ALDH16A1: variants seen among roughly 807,000 people sequenced by gnomAD.
The protein encoded by ALDH16A1 is aldehyde dehydrogenase family 16 member A1.
Under a neutral mutation model 96.1 loss-of-function variants are expected in ALDH16A1, and 88 were observed. The ratio of observed to expected loss-of-function variants is 0.92; its 90% CI spans 0.77 to 1.09. The LOEUF (loss-of-function observed/expected upper bound fraction) is 1.09, where lower values mean the gene tolerates loss of function less well. Among genes scored for constraint, ALDH16A1 ranks in the 50% least tolerant of loss-of-function variants. The pLI is 0.00. For synonymous variants in ALDH16A1, 522 were observed against 496.4 expected, an observed-to-expected ratio of 1.05 and a Z score of -0.69; for missense variants, 1,250 against 1,112.6, an observed-to-expected ratio of 1.12 and a Z score of -1.76.
At position 49,461,940 on chromosome 19, in the gene ALDH16A1, G is replaced by C. The variant is rs754775407; in HGVS notation, c.816G>C (p.Ala272=). Residue 272 remains alanine, a synonymous_variant, in exon 7 of 17, where the codon GCG becomes GCC. Coordinates refer to ENST00000293350, the MANE Select transcript of ALDH16A1 (RefSeq NM_153329.4). ...GAGAGTGTGCGGAGCTGGGCCTGGCGCTGGGGACGGAGTCGCTGCTGCTGC... is the reference window on the plus strand; with the variant it reads ...GAGAGTGTGCGGAGCTGGGCCTGGCCCTGGGGACGGAGTCGCTGCTGCTGC... ...LAGECAELGL[A]LGTESLLLLT... 14 of 1,573,324 alleles carry C rather than the reference G, an allele frequency of 8.9e-6. No individual in the cohort carries two copies. The Admixed American group carries it at 2.6e-4, about 29-fold the overall frequency.
At chr19:49,454,528 G>C (rs759004736) in intron 1 of ALDH16A1, among the ~76,000 whole-genome samples, 8 of 152,096 alleles carry the variant, frequency 5.3e-5, no homozygotes, top group Non-Finnish European at 1.5e-5. Context: ...CAGAACCCTC[G>C]TGGGGTTCCT....
At chr19:49,455,397 C>G (rs1292533158) in intron 1 of ALDH16A1, among the ~76,000 whole-genome samples, 2 of 133,510 alleles carry the variant, frequency 1.5e-5, no homozygotes, top group Non-Finnish European at 3.1e-5. Context: ...GCCTGGGCAA[C>G]AAGAGCAAAA....
rs779792459 is a variant in ALDH16A1, at chr19:49,468,867, A to G, written c.2128A>G (p.Met710Val). ...TTTCACTCTCTCTATCCCCTAGGAC[A>G]TGGCCACCGTGTTCCCAGCAGGCCT... ...PLLALEVCQD[M>V]ATVFPAGLAN... is the part of the protein sequence containing the mutation. The change falls in exon 16 of 17, where the codon ATG becomes GTG. Residue 710 changes from methionine (M) to valine (V), a missense_variant. By Grantham distance (21) the Met-to-Val change is conservative. Coordinates refer to ENST00000293350, the MANE Select transcript of ALDH16A1 (RefSeq NM_153329.4). The surrounding 1 kb of genome is among the most constrained non-coding windows in gnomAD (Gnocchi z 4.4). The G allele has an allele frequency of 5.0e-6, 8 of 1,612,612 alleles. No homozygotes were observed. In the African/African-American group the frequency reaches 6.7e-5, roughly 14 times the overall value.
At position 49,458,954 on chromosome 19, in the gene ALDH16A1, C is replaced by T. The variant is rs200808846; in HGVS notation, c.194-6C>T. ...CCCATCTGAGTCCCCCCACTTTTCT[C>T]CCCAGGAGAGAACTTGGCCAGTTGC... On this transcript the variant is annotated splice_region_variant and splice_polypyrimidine_tract_variant and intron_variant, in intron 2 of 16. Transcript: ENST00000293350. The T allele has an allele frequency of 4.3e-6, 7 of 1,611,390 alleles. No individual in the cohort carries two copies. In the South Asian group the frequency reaches 5.5e-5, roughly 13 times the overall value.
rs1331972095 is a variant in ALDH16A1 at position 49,468,701 on chromosome 19, A to G, written c.2124+135A>G. On this transcript the variant is annotated intron_variant, in intron 15 of 16. Coordinates refer to ENST00000293350, the MANE Select transcript of ALDH16A1 (RefSeq NM_153329.4). This position sits in a 1 kb window ranked among gnomAD's most constrained non-coding sequence, Gnocchi z 4.4. ...ATGCTGCCCCCAGCCCCAGCACCCAAACCTTCACTCCTTGGGGACCCAGTG... is the reference window on the plus strand; with the variant it reads ...ATGCTGCCCCCAGCCCCAGCACCCAGACCTTCACTCCTTGGGGACCCAGTG... 4 of 1,366,600 alleles carry G rather than the reference A, an allele frequency of 2.9e-6. No individual in the cohort carries two copies. In the African/African-American group the frequency reaches 5.8e-5, roughly 20 times the overall value. The allele number at this position is 1,366,600 out of a possible 1,614,324, so 84.7% of individuals were successfully genotyped here. A position where few individuals can be genotyped will look rare whatever the true frequency, so the allele number is the denominator to read the frequency against.
rs2079125521 is a variant in ALDH16A1, at chr19:49,459,581, G to A, written c.321-89G>A. ...GTGGGGATGCCTCAGGGGCTCATGG[G>A]GATTGTAGTCCAGGTATATAGGAGC... On this transcript the variant is annotated intron_variant, in intron 3 of 16. Coordinates refer to ENST00000293350, the MANE Select transcript of ALDH16A1 (RefSeq NM_153329.4). This position sits in a 1 kb window ranked among gnomAD's most constrained non-coding sequence, Gnocchi z 4.1. 2.1e-6 allele frequency: 3 copies of A among 1,438,818 alleles called. No homozygotes were observed. Among genetic ancestry groups the A allele is most frequent in the South Asian group, 1.4e-5 (1 of 69,760 alleles). 89.1% of individuals were successfully genotyped at this position (1,438,818 alleles called of 1,614,324 possible). A position where few individuals can be genotyped will look rare whatever the true frequency, so the allele number is the denominator to read the frequency against.
chr19:49,460,417 T>G (rs1168327589), intron 4 of ALDH16A1, among the ~76,000 whole-genome samples: 1 of 115,892 alleles, frequency 8.6e-6, no homozygotes, highest in East Asian at 2.4e-4. Flanking sequence ...TTTGTTTTTG[T>G]TTTTTTTTTT....
chr19:49,470,790 A>C lies in ALDH16A1; in HGVS notation c.*323A>C. ...CAGCCTCATATGTAGCTGGGGCCACAGACATGCACCACCACACCTGGCTCG... is the reference window on the plus strand; with the variant it reads ...CAGCCTCATATGTAGCTGGGGCCACCGACATGCACCACCACACCTGGCTCG... On this transcript the variant is annotated 3_prime_UTR_variant, in exon 17 of 17. Coordinates refer to ENST00000293350, the MANE Select transcript of ALDH16A1 (RefSeq NM_153329.4). 2 of 223,156 alleles carry C rather than the reference A, an allele frequency of 9.0e-6. No individual in the cohort carries two copies. Among genetic ancestry groups the C allele is most frequent in the South Asian group, 1.2e-4 (1 of 8,196 alleles). 13.8% of individuals were successfully genotyped at this position (223,156 alleles called of 1,614,324 possible).
At chr19:49,464,815 G>C (rs2293010) in intron 12 of ALDH16A1, 53 bp downstream of exon 12, 1 of 1,608,280 alleles carries the variant, frequency 6.2e-7, no homozygotes, top group African/African-American at 1.3e-5. Flanking sequence ...GAGGGGAATT[G>C]ATGCCTGTTT....
At position 49,468,216 on chromosome 19, in the gene ALDH16A1, C is replaced by T. The variant is rs950952554; in HGVS notation, c.1939-165C>T. 107 of 659,018 alleles carry T rather than the reference C, an allele frequency of 1.6e-4. No individual in the cohort carries two copies. The African/African-American group carries it at 1.7e-3, about 10-fold the overall frequency. The allele number at this position is 659,018 out of a possible 1,614,324, so 40.8% of individuals were successfully genotyped here. A position where few individuals can be genotyped will look rare whatever the true frequency, so the allele number is the denominator to read the frequency against. On this transcript the variant is annotated intron_variant, in intron 14 of 16. Transcript: ENST00000293350. This position sits in a 1 kb window ranked among gnomAD's most constrained non-coding sequence, Gnocchi z 4.4. The stretch of plus-strand genomic sequence containing the variant: ...GGATGTTTCTCACCGCCCGAACCCC[C>T]GTGGAATGATTCACTTTGACCAGCG...
At position 49,470,675 on chromosome 19, in the gene ALDH16A1, G is replaced by A. The variant is rs185956534; in HGVS notation, c.*208G>A. 2.4e-4 allele frequency: 106 copies of A among 439,806 alleles called. No homozygotes were observed. The East Asian group carries it at 2.7e-3, about 11-fold the overall frequency. The allele number at this position is 439,806 out of a possible 1,614,324, so 27.2% of individuals were successfully genotyped here. ...TTTTTTTTTTTTTTTTTGAGACAAC[G>A]TCTGGCTCTGTCACCCAGGCTGGAG... On this transcript the variant is annotated 3_prime_UTR_variant, in exon 17 of 17. Transcript: ENST00000293350.
rs369423530 is a variant in ALDH16A1, at chr19:49,465,801, C to T, written c.1632C>T (p.Ser544=). ...TCCAGGCTCCTGGGGCCCGAAGCTC[C>T]AGGCCCATCCGGGATTCGTCTGGCA... ...GRFQAPGARS[S]RPIRDSSGNL... is the part of the protein sequence containing the mutation. The change falls in exon 13 of 17, where the codon TCC becomes TCT. Residue 544 remains serine, a synonymous_variant. Coordinates refer to ENST00000293350, the MANE Select transcript of ALDH16A1 (RefSeq NM_153329.4). The T allele has an allele frequency of 2.7e-5, 43 of 1,614,028 alleles. No individual in the cohort carries two copies. The highest frequency in any genetic ancestry group is 3.0e-5 in the Non-Finnish European group (35 of 1,180,024).
At chr19:49,462,141 A>AT (rs1467039655) in intron 7 of ALDH16A1, 105 bp downstream of exon 7, 6 of 1,383,618 alleles carry the variant, frequency 4.3e-6, no homozygotes, top group Admixed American at 3.3e-5. Flanking sequence ...ATTTTATTTT[A>AT]TTTATTTTGA....
Position 49,453,354 on chromosome 19 carries a change from C to A in ALDH16A1, c.23C>A (p.Pro8His). The A allele has an allele frequency of 6.4e-7, 1 of 1,568,232 alleles. No individual in the cohort carries two copies. MAATRAG[P>H]RAREIFTSLE... ...GCGATGGCTGCGACGCGTGCAGGGC[C>A]CCGCGCCCGCGAGATCTTCACCTCG... The change falls in exon 1 of 17, where the codon CCC becomes CAC. Residue 8 changes from proline to histidine, a missense_variant. By Grantham distance (77) the Pro-to-His change is moderately conservative (BLOSUM62 -2). Coordinates refer to ENST00000293350, the MANE Select transcript of ALDH16A1 (RefSeq NM_153329.4).
chr19:49,457,338 G>A (rs550732757), intron 1 of ALDH16A1, among the ~76,000 whole-genome samples: 2 of 151,922 alleles, frequency 1.3e-5, no homozygotes, highest in South Asian at 4.1e-4. Context: ...ACGAGGTCAG[G>A]AGATCAAGAC....
chr19:49,456,325 C>T (rs568146286), intron 1 of ALDH16A1, among the ~76,000 whole-genome samples: 1 of 152,144 alleles, frequency 6.6e-6, no homozygotes, highest in South Asian at 2.1e-4. Context: ...CAGATAAGGG[C>T]TCATTTTGTT....
intron 4 of ALDH16A1, 138 bp from the exon 5 acceptor site, chr19:49,460,684 G>C: frequency 1.4e-6 from 1 of 718,148 alleles, no homozygotes; most frequent in Non-Finnish European, 2.3e-6. Context: ...AAAGTGCTGA[G>C]ATTACAGGCG....
intron 14 of ALDH16A1, 42 bp downstream of exon 14, chr19:49,466,325 G>C: frequency 7.0e-7 from 1 of 1,423,364 alleles, no homozygotes; most frequent in Non-Finnish European, 9.2e-7. Context: ...GGCAGGCGGG[G>C]TGGGGCTCAG....
chr19:49,469,221 G>C, intron 16 of ALDH16A1: 1 of 457,982 alleles, frequency 2.2e-6, no homozygotes, highest in Non-Finnish European at 3.8e-6. Flanking sequence ...GGGACAGCCC[G>C]TTGCTAAGGA....
Sources: gnomAD v4.1 joint callset for allele counts (sites outside exome capture counted in the v4.1 genomes callset) on GRCh38, gnomAD v4.1.1 for gene constraint, Gnocchi (gnomAD v3.1) non-coding constraint, MANE v1.5 for transcripts, NCBI Gene and HGNC (gene_info 2026-07-23, HGNC 2026-07-21) for gene names.